Variants in POFUT3 observed in about 807,000 individuals in gnomAD.
The protein encoded by POFUT3 is GDP-fucose protein O-fucosyltransferase 3.
chr8:33,316,329 G>C, the POFUT3 span, among the ~76,000 whole-genome samples: 1 of 152,016 alleles, frequency 6.6e-6, no homozygotes, highest in Admixed American at 6.6e-5. Context: ...AGAGAGACAT[G>C]GTTACTAAGG....
chr8:33,382,515 G>A, the POFUT3 span, among the ~76,000 whole-genome samples: 2 of 152,166 alleles, frequency 1.3e-5, no homozygotes, highest in African/African-American at 4.8e-5. Flanking sequence ...AGAAAGCTGA[G>A]TTCTAAGAAG....
chr8:33,448,212 G>T, the POFUT3 span, among the ~76,000 whole-genome samples: 3 of 121,946 alleles, frequency 2.5e-5, no homozygotes, highest in African/African-American at 8.8e-5. Context: ...CAGATATGGC[G>T]GCAAGCACCT....
chr8:33,416,530 G>C, the POFUT3 span, among the ~76,000 whole-genome samples: 2,358 of 152,082 alleles, frequency 0.016, 62 homozygotes, highest in African/African-American at 0.054. Context: ...TGGCCAACAT[G>C]GATAAACCCC....
At chr8:33,349,775 G>T in the POFUT3 span, among the ~76,000 whole-genome samples, 1 of 152,088 alleles carries the variant, frequency 6.6e-6, no homozygotes, top group African/African-American at 2.4e-5. Flanking sequence ...ATATAATGAC[G>T]TCTTTTCCTT....
the POFUT3 span, among the ~76,000 whole-genome samples, chr8:33,375,602 C>CTTTGTTTTT: frequency 6.6e-6 from 1 of 152,070 alleles, no homozygotes; most frequent in African/African-American, 2.4e-5. Flanking sequence ...AAACAAAAAA[C>CTTTGTTTTT]TGTATATGTA....
chr8:33,401,247 A>G, the POFUT3 span, among the ~76,000 whole-genome samples: 1 of 152,108 alleles, frequency 6.6e-6, no homozygotes, highest in African/African-American at 2.4e-5. Context: ...CAGCCTCCCA[A>G]AGTGCTGGGA....
the POFUT3 span, among the ~76,000 whole-genome samples, chr8:33,353,747 A>G: frequency 6.6e-6 from 1 of 152,142 alleles, no homozygotes; most frequent in Non-Finnish European, 1.5e-5. Flanking sequence ...GCTCGGTGAC[A>G]TGCCCTCAGA....
the POFUT3 span, among the ~76,000 whole-genome samples, chr8:33,394,719 C>T: frequency 2.0e-5 from 3 of 151,478 alleles, no homozygotes; most frequent in Admixed American, 1.3e-4. Flanking sequence ...TGTGCCAATG[C>T]TCATATAAAT....
chr8:33,347,107 C>T, the POFUT3 span, among the ~76,000 whole-genome samples: 691 of 152,238 alleles, frequency 4.5e-3, 4 homozygotes, highest in Middle Eastern at 6.8e-3. Flanking sequence ...CCTTCTCCTG[C>T]GCCTGTCACC....
At chr8:33,401,107 C>G in the POFUT3 span, among the ~76,000 whole-genome samples, 9 of 152,214 alleles carry the variant, frequency 5.9e-5, no homozygotes, top group East Asian at 9.6e-4. Context: ...CTCAGCCACT[C>G]GAGTAGCTGG....
chr8:33,351,584 C>T, the POFUT3 span, among the ~76,000 whole-genome samples: 3 of 152,186 alleles, frequency 2.0e-5, no homozygotes, highest in African/African-American at 4.8e-5. Context: ...TCCTCTTCCA[C>T]CAAGAGTGGA....
the POFUT3 span, among the ~76,000 whole-genome samples, chr8:33,336,266 T>G: frequency 6.6e-6 from 1 of 152,176 alleles, no homozygotes; most frequent in Non-Finnish European, 1.5e-5. Context: ...GCTACGAGTG[T>G]GAAATCACTG....
At chr8:33,308,298 AT>A in the POFUT3 span, among the ~76,000 whole-genome samples, 1 of 152,254 alleles carries the variant, frequency 6.6e-6, no homozygotes, top group Non-Finnish European at 1.5e-5. Flanking sequence ...AAATTGAATC[AT>A]AAAAATTAAT....
chr8:33,389,634 G>T, the POFUT3 span: 1 of 1,614,198 alleles, frequency 6.2e-7, no homozygotes, highest in Non-Finnish European at 8.5e-7. Context: ...TGGGTAGTTA[G>T]TGGCAAGTGG....
chr8:33,414,562 T>C, the POFUT3 span, among the ~76,000 whole-genome samples: 1 of 150,938 alleles, frequency 6.6e-6, no homozygotes, highest in South Asian at 2.2e-4. Flanking sequence ...CCCTTGTCTA[T>C]ATACATGTTA....
the POFUT3 span, chr8:33,389,187 G>A: frequency 1.9e-6 from 3 of 1,613,926 alleles, no homozygotes; most frequent in Non-Finnish European, 2.5e-6. Flanking sequence ...AGTTCCCTGG[G>A]GTGAGAAAAT....
At chr8:33,455,903 GAAAA>G in the POFUT3 span, 3 of 374,718 alleles carry the variant, frequency 8.0e-6, no homozygotes, top group South Asian at 2.0e-5. Context: ...GGCCAAAAAA[GAAAA>G]AAAAAAAAAA....
At chr8:33,453,709 G>T in the POFUT3 span, among the ~76,000 whole-genome samples, 1 of 152,074 alleles carries the variant, frequency 6.6e-6, no homozygotes, top group African/African-American at 2.4e-5. Context: ...TCGTCAGGGG[G>T]GCAAGGTGGA....
chr8:33,397,038 T>A, the POFUT3 span, among the ~76,000 whole-genome samples: 1 of 152,218 alleles, frequency 6.6e-6, no homozygotes, highest in East Asian at 1.9e-4. Context: ...TTACAACTAT[T>A]GTTAATCACC....
Sources: allele counts gnomAD v4.1 joint callset (sites outside exome capture counted in the v4.1 genomes callset), GRCh38; gene constraint gnomAD v4.1.1; transcripts MANE v1.5; gene names NCBI Gene and HGNC (gene_info 2026-07-23, HGNC 2026-07-21).